ADGRV1: variants seen among roughly 807,000 people sequenced by gnomAD.
The protein encoded by ADGRV1 is G-protein coupled receptor 98.
ADGRV1 carries 359 observed loss-of-function variants against 596.2 expected under a neutral mutation model. The observed-to-expected ratio is 0.60, with a 90% CI of 0.55 to 0.66. ADGRV1 has a LOEUF of 0.66. Ranked by LOEUF, ADGRV1 falls within the 30% of genes least tolerant of loss-of-function variation. The pLI is 0.00. For synonymous variants in ADGRV1, 2,681 were observed against 2,679.2 expected (o/e 1.00, Z -0.02); for missense variants, 7,274 against 7,575.6 (o/e 0.96, Z 1.48).
chr5:90,594,442 A>G (rs1008209870), intron 1 of ADGRV1, among the ~76,000 whole-genome samples: 1 of 150,692 alleles, frequency 6.6e-6, no homozygotes, highest in Non-Finnish European at 1.5e-5. Context: ...CCATGTGTCA[A>G]TTAAACATCT....
In ADGRV1 at chr5:90,763,589, A is replaced by G. The variant is rs2049009; in HGVS notation, c.12285+120A>G. On this transcript the variant is annotated intron_variant, in intron 59 of 89. Coordinates refer to ENST00000405460, the MANE Select transcript of ADGRV1 (RefSeq NM_032119.4). Reference sequence around the variant, plus strand: ...GTTTGTTACATGGGTATATTGCATAATGCTGGGGTTTGGGCTTCTAGTGAG... The same window carrying G: ...GTTTGTTACATGGGTATATTGCATAGTGCTGGGGTTTGGGCTTCTAGTGAG... 0.49 allele frequency: 467,697 copies of G among 950,254 alleles called. 120,027 individuals carry two copies. The highest frequency in any genetic ancestry group is 0.85 in the East Asian group (33,358 of 39,100). The allele number at this position is 950,254 out of a possible 1,614,324, so 58.9% of individuals were successfully genotyped here. A position where few individuals can be genotyped will look rare whatever the true frequency, so the allele number is the denominator to read the frequency against.
intron 83 of ADGRV1, among the ~76,000 whole-genome samples, chr5:90,889,443 C>A (rs954069558): frequency 2.0e-5 from 3 of 151,994 alleles, no homozygotes; most frequent in African/African-American, 7.2e-5. Context: ...AGGGCTCTTC[C>A]TTGTACAGAC....
chr5:90,811,126 T>C lies in ADGRV1; in HGVS notation c.15866T>C (p.Val5289Ala). 1 of 1,613,860 alleles carries C rather than the reference T, an allele frequency of 6.2e-7. No homozygotes were observed. Among genetic ancestry groups the C allele is most frequent in the Non-Finnish European group, 8.5e-7 (1 of 1,179,794 alleles). ...IYGISNLTWAVEEEDFEEQTL... is the reference protein window; with the variant it reads ...IYGISNLTWAAEEEDFEEQTL... ...GGGATTTCCAACCTAACATGGGCAGTTGAAGAAGAAGACTTTGAAGAACAA... is the reference window on the plus strand; with the variant it reads ...GGGATTTCCAACCTAACATGGGCAGCTGAAGAAGAAGACTTTGAAGAACAA... Residue 5289 changes from valine (V) to alanine (A), a missense_variant, in exon 74 of 90, where the codon GTT (valine) becomes GCT (alanine). By Grantham distance (64) the Val-to-Ala change is moderately conservative. Transcript: ENST00000405460.
Position 90,705,398 on chromosome 5 carries a change from AG to A in ADGRV1, c.8387del. 6.2e-7 allele frequency: 1 copy of A among 1,612,664 alleles called. No homozygotes were observed. Among genetic ancestry groups the A allele is most frequent in the East Asian group, 2.2e-5 (1 of 44,878 alleles). ...TGTTAGATTCCTGCCTGACATTTTT[AG>A]GAGTTCCACCAGCCGGAATCGCCCT... is the stretch of plus-strand genomic sequence containing the variant. On this transcript the variant is annotated splice_acceptor_variant, in intron 36 of 89. Transcript: ENST00000405460. LOFTEE classifies it high-confidence loss of function.
At chr5:91,013,928 A>G (rs1468402016) in intron 85 of ADGRV1, among the ~76,000 whole-genome samples, 5 of 151,932 alleles carry the variant, frequency 3.3e-5, no homozygotes, top group African/African-American at 7.2e-5. Flanking sequence ...GCGTATGGCT[A>G]GACATTTATC....
chr5:90,704,315 T>A, intron 35 of ADGRV1, 74 bp from the exon 36 acceptor site: 1 of 881,252 alleles, frequency 1.1e-6, no homozygotes, highest in East Asian at 2.8e-5. Flanking sequence ...ATTTATAAGG[T>A]GAATAAAAAT....
Position 90,772,870 on chromosome 5 carries a change from A to G in ADGRV1, c.12286-1316A>G, listed in dbSNP as rs912945081. Among the ~76,000 whole-genome samples the G allele has an allele frequency of 2.6e-5, 4 of 152,168 alleles. No homozygotes were observed. The East Asian group carries it at 7.7e-4, about 29-fold the overall frequency. On this transcript the variant is annotated intron_variant, in intron 59 of 89. Coordinates refer to ENST00000405460, the MANE Select transcript of ADGRV1 (RefSeq NM_032119.4). ...AAACAATGGAATCCCCACAGCAATG[A>G]AAATAATACATTGAGTCTGATAGCG...
At position 90,755,969 on chromosome 5, in the gene ADGRV1, GT is replaced by G. The variant is rs537597768; in HGVS notation, c.11581-481del. On this transcript the variant is annotated intron_variant, in intron 55 of 89. Transcript: ENST00000405460. Reference sequence around the variant, plus strand: ...TATAAGGGATGGGATAGAAATGAGGGTTTTCCCCCCCTTTTTAGAGTATTTT... The same window carrying G: ...TATAAGGGATGGGATAGAAATGAGGGTTTCCCCCCCTTTTTAGAGTATTTT... 4.8e-4 allele frequency among the ~76,000 whole-genome samples: 73 copies of G among 150,872 alleles called. 1 individual carries two copies. The South Asian group carries it at 0.013, about 27-fold the overall frequency.
At chr5:90,847,280 C>A (rs1765983265) in intron 78 of ADGRV1, among the ~76,000 whole-genome samples, 1 of 151,958 alleles carries the variant, frequency 6.6e-6, no homozygotes, top group Non-Finnish European at 1.5e-5. Flanking sequence ...ACCAGATTAA[C>A]TAGATACAGA....
At position 90,855,905 on chromosome 5, in the gene ADGRV1, A is replaced by G; in HGVS notation, c.17755+4A>G. 6.2e-7 allele frequency: 1 copy of G among 1,603,430 alleles called. No homozygotes were observed. Among genetic ancestry groups the G allele is most frequent in the Non-Finnish European group, 8.5e-7 (1 of 1,172,940 alleles). On this transcript the variant is annotated splice_donor_region_variant and intron_variant, in intron 82 of 89. Coordinates refer to ENST00000405460, the MANE Select transcript of ADGRV1 (RefSeq NM_032119.4). ...TCTGGATTTATATGTATCTCAGGTCAGTGACAGTATTTTTGAATCAATGGT... is the reference window on the plus strand; with the variant it reads ...TCTGGATTTATATGTATCTCAGGTCGGTGACAGTATTTTTGAATCAATGGT...
chr5:91,137,603 G>A (rs1212913640), intron 87 of ADGRV1, among the ~76,000 whole-genome samples: 1 of 152,186 alleles, frequency 6.6e-6, no homozygotes, highest in Admixed American at 6.5e-5. Context: ...ATTTTGTTGA[G>A]GAAAGATTAA....
intron 83 of ADGRV1, among the ~76,000 whole-genome samples, chr5:90,963,475 C>CT (rs566723327): frequency 9.3e-5 from 14 of 150,608 alleles, no homozygotes; most frequent in Non-Finnish European, 1.5e-4. Context: ...AATTTGTGGA[C>CT]TTTTTTTTTA....
chr5:90,710,316 G>A (rs1317659864), intron 39 of ADGRV1, among the ~76,000 whole-genome samples: 2 of 152,170 alleles, frequency 1.3e-5, no homozygotes, highest in Admixed American at 6.5e-5. Flanking sequence ...TAGCCCAGGA[G>A]CAGGGTTAGT....
intron 50 of ADGRV1, among the ~76,000 whole-genome samples, chr5:90,739,136 TTC>T (rs1260475137): frequency 6.6e-6 from 1 of 152,072 alleles, no homozygotes; most frequent in Non-Finnish European, 1.5e-5. Flanking sequence ...TTTCTAGCGT[TTC>T]TGTTTGTTTT....
rs749139831 is a variant in ADGRV1 at position 90,617,827 on chromosome 5, C to A, written c.231C>A (p.Asp77Glu). ...IVSLYGEDAG[D>E]FFDTYAAAFI... ...AGCTGTATGGAGAGGACGCTGGTGACTTTTTTGACACATATGCTGCAGCTT... is the reference window on the plus strand; with the variant it reads ...AGCTGTATGGAGAGGACGCTGGTGAATTTTTTGACACATATGCTGCAGCTT... The change falls in exon 3 of 90, where the codon GAC becomes GAA. Residue 77 changes from aspartate to glutamate, a missense_variant. Around this residue, in one of 5 missense-constraint regions of ADGRV1, gnomAD observed 1,715 missense variants for 1,708.8 expected, o/e 1.00. Transcript: ENST00000405460. 3 of 1,598,240 alleles carry A rather than the reference C, an allele frequency of 1.9e-6. No homozygotes were observed. The highest frequency in any genetic ancestry group is 1.7e-6 in the Non-Finnish European group (2 of 1,171,670).
intron 17 of ADGRV1, among the ~76,000 whole-genome samples, chr5:90,648,558 G>T (rs1013457646): frequency 6.6e-6 from 1 of 152,156 alleles, no homozygotes; most frequent in Non-Finnish European, 1.5e-5. Context: ...CCAGTGGAAT[G>T]CCAACGTTGT....
chr5:90,754,533 A>T (rs186870162), intron 54 of ADGRV1, among the ~76,000 whole-genome samples: 2 of 152,190 alleles, frequency 1.3e-5, no homozygotes, highest in African/African-American at 4.8e-5. Context: ...GAGCCTCCTG[A>T]TAGGCACGTC....
Position 90,672,728 on chromosome 5 carries a change from C to CCCTACCTT in ADGRV1, c.4929+7_4929+14dup, listed in dbSNP as rs1180105328. The CCCTACCTT allele has an allele frequency of 1.9e-6, 3 of 1,583,316 alleles. No homozygotes were observed. In the African/African-American group the frequency reaches 4.0e-5, roughly 21 times the overall value. ...TTCCTTGGCAGAGATCAGAGGTAAA[C>CCCTACCTT]CCTACCTTTTTTGTTCCTTTGAAAG... On this transcript the variant is annotated splice_region_variant and intron_variant, in intron 22 of 89. Transcript: ENST00000405460.
intron 1 of ADGRV1, among the ~76,000 whole-genome samples, chr5:90,591,320 TGGGAGGCAGAGGTTGCA>T (rs1759478759): frequency 6.6e-6 from 1 of 152,006 alleles, no homozygotes; most frequent in Admixed American, 6.6e-5. Context: ...TGCTTGAACC[TGGGAGGCAGAGGTTGCA>T]GTGAGCTGAG....
Sources: allele counts gnomAD v4.1 joint callset (sites outside exome capture counted in the v4.1 genomes callset), GRCh38; gene constraint gnomAD v4.1.1; regional missense constraint gnomAD v4.1.1; transcripts MANE v1.5; gene names NCBI Gene and HGNC (gene_info 2026-07-23, HGNC 2026-07-21).